Variants in SASH1 observed in about 807,000 individuals in gnomAD.
The protein encoded by SASH1 is SAM and SH3 domain containing 1.
SASH1 carries 44 observed loss-of-function variants against 125.2 expected under a neutral mutation model. That is an observed-to-expected ratio of 0.35 (90% confidence interval 0.28 to 0.45). The LOEUF (loss-of-function observed/expected upper bound fraction) is 0.45, where lower values mean the gene tolerates loss of function less well. Among genes scored for constraint, SASH1 ranks in the 20% least tolerant of loss-of-function variants. The pLI, the probability that SASH1 is intolerant of heterozygous loss-of-function variation, is 1.00. For missense variants in SASH1, 1,426 were observed against 1,614.5 expected (o/e 0.88, Z 2.00); for synonymous variants, 639 against 649.1 (o/e 0.98, Z 0.24).
At chr6:148,489,208 C>T (rs563143542) in intron 8 of SASH1, among the ~76,000 whole-genome samples, 1 of 152,238 alleles carries the variant, frequency 6.6e-6, no homozygotes, top group African/African-American at 2.4e-5. Flanking sequence ...TTTTCCAGAA[C>T]CATTTGTTGA....
intron 1 of SASH1, among the ~76,000 whole-genome samples, chr6:148,294,960 T>G (rs1484550982): frequency 6.6e-6 from 1 of 152,208 alleles, no homozygotes; most frequent in East Asian, 1.9e-4. Flanking sequence ...TGAAAATGCA[T>G]AGAATTGAAT....
intron 7 of SASH1, among the ~76,000 whole-genome samples, chr6:148,475,257 T>C (rs1778289206): frequency 6.6e-6 from 1 of 152,206 alleles, no homozygotes; most frequent in Non-Finnish European, 1.5e-5. Flanking sequence ...ACTTTACCAT[T>C]GTCTTGGTCC....
chr6:148,298,869 GAAGT>G (rs200225730), intron 1 of SASH1, among the ~76,000 whole-genome samples: 60,853 of 135,370 alleles, frequency 0.45, 13,482 homozygotes, highest in African/African-American at 0.52. Flanking sequence ...AGGAGGGAGG[GAAGT>G]AAGGAGGGAG....
chr6:148,298,152 A>G (rs1779812889), intron 1 of SASH1, among the ~76,000 whole-genome samples: 1 of 151,552 alleles, frequency 6.6e-6, no homozygotes, highest in Non-Finnish European at 1.5e-5. Flanking sequence ...AATTACAGGT[A>G]CCCACCATTA....
chr6:148,340,042 T>C (rs923536496), upstream of SASH1, among the ~76,000 whole-genome samples: 1 of 152,164 alleles, frequency 6.6e-6, no homozygotes. Context: ...TGATTCTGGA[T>C]TGGTGCTGGA....
At chr6:148,514,270 G>T in intron 8 of SASH1, 54 bp from the exon 9 acceptor site, 1 of 1,570,404 alleles carries the variant, frequency 6.4e-7, no homozygotes, top group South Asian at 1.2e-5. Context: ...CCAGCCACAC[G>T]GGCAAAGCTC....
intron 4 of SASH1, among the ~76,000 whole-genome samples, chr6:148,450,837 C>T (rs1026032512): frequency 1.3e-5 from 2 of 152,136 alleles, no homozygotes; most frequent in African/African-American, 4.8e-5. Context: ...CTACCTGATA[C>T]CAGACTCTCT....
Position 148,549,127 on chromosome 6 carries a change from T to C in SASH1, c.*569T>C, listed in dbSNP as rs1782747891. ...AAACAAGAGACATTTTCATAATTGCTTTCTAGCAATCAGCTTTTATTTGCC... is the reference window on the plus strand; with the variant it reads ...AAACAAGAGACATTTTCATAATTGCCTTCTAGCAATCAGCTTTTATTTGCC... On this transcript the variant is annotated 3_prime_UTR_variant, in exon 20 of 20. Transcript: ENST00000367467. 1 of 156,700 alleles carries C rather than the reference T, an allele frequency of 6.4e-6. No homozygotes were observed. The highest frequency in any genetic ancestry group is 1.4e-5 in the Non-Finnish European group (1 of 71,042). 9.7% of individuals were successfully genotyped at this position (156,700 alleles called of 1,614,324 possible).
At chr6:148,454,440 C>T (rs935165309) in intron 4 of SASH1, among the ~76,000 whole-genome samples, 24 of 152,202 alleles carry the variant, frequency 1.6e-4, no homozygotes, top group African/African-American at 5.1e-4. Flanking sequence ...AAATGTAATC[C>T]GGCTGTTCTA....
chr6:148,343,216 G>T lies in SASH1; in HGVS notation c.149G>T (p.Gly50Val). The change falls in exon 1 of 20, where the codon GGT becomes GTT. Residue 50 changes from glycine to valine, a missense_variant. Gly to Val is a moderately radical substitution (Grantham distance 109). Transcript: ENST00000367467. ...TCCCGACTCTGGACCGACGTGATGG[G>T]TATCCTGGTAAGTTACCTGGGGAGG... The part of the protein sequence containing the change: ...AFSRLWTDVM[G>V]ILDGSLGNID... 1 of 1,587,080 alleles carries T rather than the reference G, an allele frequency of 6.3e-7. No homozygotes were observed. Among genetic ancestry groups the T allele is most frequent in the Non-Finnish European group, 8.5e-7 (1 of 1,171,940 alleles).
intron 1 of SASH1, among the ~76,000 whole-genome samples, chr6:148,299,002 T>C (rs916258912): frequency 1.3e-5 from 2 of 152,286 alleles, no homozygotes; most frequent in East Asian, 1.9e-4. Context: ...CAAAATATCA[T>C]TAAGTAATTC....
At chr6:148,360,429 C>A (rs1782144817) in intron 1 of SASH1, among the ~76,000 whole-genome samples, 1 of 150,564 alleles carries the variant, frequency 6.6e-6, no homozygotes, top group Non-Finnish European at 1.5e-5. Context: ...CTCACTGCAA[C>A]CTCCACCTCC....
chr6:148,354,979 G>A (rs1238597423), intron 1 of SASH1, among the ~76,000 whole-genome samples: 2 of 152,066 alleles, frequency 1.3e-5, no homozygotes, highest in East Asian at 1.9e-4. Flanking sequence ...GGCTGGTCTC[G>A]AACTCCTGAC....
intron 1 of SASH1, among the ~76,000 whole-genome samples, chr6:148,298,771 A>AAGAAG (rs1562312333): frequency 7.4e-6 from 1 of 134,480 alleles, no homozygotes; most frequent in Non-Finnish European, 1.6e-5. Flanking sequence ...AGAGAAAGAA[A>AAGAAG]AAAGAAAGAA....
At chr6:148,341,815 C>T (rs367845218), upstream of SASH1, among the ~76,000 whole-genome samples, 4 of 152,104 alleles carry the variant, frequency 2.6e-5, no homozygotes, top group African/African-American at 9.7e-5. Flanking sequence ...GAGGAGCAAA[C>T]TCCATGTGGT....
chr6:148,252,275 A>G, the SASH1 span, among the ~76,000 whole-genome samples: 1 of 152,204 alleles, frequency 6.6e-6, no homozygotes, highest in Non-Finnish European at 1.5e-5. Flanking sequence ...GTATATGTAC[A>G]GTAATGCATT....
chr6:148,536,730 A>G (rs1455180492), intron 16 of SASH1, among the ~76,000 whole-genome samples: 5 of 152,220 alleles, frequency 3.3e-5, no homozygotes, highest in Admixed American at 3.3e-4. Context: ...TAAGGCAGGA[A>G]TCTGTGCTTA....
chr6:148,473,016 A>G (rs1346192789), intron 6 of SASH1, among the ~76,000 whole-genome samples: 4 of 152,196 alleles, frequency 2.6e-5, no homozygotes, highest in Non-Finnish European at 5.9e-5. Flanking sequence ...TGTGGCTCAG[A>G]TATACCAGAG....
intron 2 of SASH1, among the ~76,000 whole-genome samples, chr6:148,411,867 C>G (rs1293073387): frequency 4.6e-5 from 7 of 152,178 alleles, no homozygotes; most frequent in Non-Finnish European, 7.3e-5. Flanking sequence ...TAATATGAAT[C>G]ATAAAATCCC....
Sources: gnomAD v4.1 joint callset for allele counts (sites outside exome capture counted in the v4.1 genomes callset) on GRCh38, gnomAD v4.1.1 for gene constraint, MANE v1.5 for transcripts, NCBI Gene and HGNC (gene_info 2026-07-23, HGNC 2026-07-21) for gene names.